GABRG1: variants seen among roughly 807,000 people sequenced by gnomAD.
The protein encoded by GABRG1 is gamma-aminobutyric acid receptor subunit gamma-1.
In GABRG1, 49 loss-of-function variants were observed where a neutral mutation model predicts 49.8. The ratio of observed to expected loss-of-function variants is 0.98; its 90% CI spans 0.78 to 1.25. GABRG1 has a LOEUF of 1.25. Among genes scored for constraint, GABRG1 ranks in the 50% most tolerant of loss-of-function variants. GABRG1 has a pLI of 0.00. For missense variants in GABRG1, 552 were observed against 552.3 expected (o/e 1.00, Z 0.01); for synonymous variants, 232 against 185.1 (o/e 1.25, Z -2.06).
chr4:46,090,722 T>G (rs910640742), intron 2 of GABRG1, among the ~76,000 whole-genome samples: 2 of 151,900 alleles, frequency 1.3e-5, no homozygotes, highest in Non-Finnish European at 2.9e-5. Flanking sequence ...TAGCCAGAAT[T>G]TGATGTAACA....
At position 46,058,509 on chromosome 4, in the gene GABRG1, T is replaced by C. The variant is rs776187307; in HGVS notation, c.739A>G (p.Thr247Ala). 8 of 1,613,268 alleles carry C rather than the reference T, an allele frequency of 5.0e-6. No homozygotes were observed. Among genetic ancestry groups the C allele is most frequent in the East Asian group, 2.2e-5 (1 of 44,798 alleles). The change falls in exon 6 of 9, where the codon ACT (threonine) becomes GCT (alanine). Residue 247 changes from threonine (T) to alanine (A), a missense_variant. Thr to Ala is a moderately conservative substitution (Grantham distance 58). Coordinates refer to ENST00000295452, the MANE Select transcript of GABRG1 (RefSeq NM_173536.4). Reference sequence around the variant, plus strand: ...CCAGAGATCGTGTGAGTGATTTCAGTTGAGTTCCGTAACCCTACAAATGCA... The same window carrying C: ...CCAGAGATCGTGTGAGTGATTTCAGCTGAGTTCCGTAACCCTACAAATGCA... ...QFAFVGLRNS[T>A]EITHTISGDY...
intron 8 of GABRG1, among the ~76,000 whole-genome samples, chr4:46,044,197 G>A (rs944056293): frequency 5.3e-5 from 8 of 152,232 alleles, no homozygotes; most frequent in Middle Eastern, 3.4e-3. Flanking sequence ...AGAAGGCTGG[G>A]CACGTTGGCT....
chr4:46,059,424 T>C (rs1391226274), intron 5 of GABRG1, among the ~76,000 whole-genome samples: 3 of 152,006 alleles, frequency 2.0e-5, no homozygotes, highest in East Asian at 3.9e-4. Flanking sequence ...TCTCACTCTG[T>C]TGTCCAGGCT....
chr4:46,096,030 T>G (rs1720153703), intron 2 of GABRG1, among the ~76,000 whole-genome samples: 1 of 151,966 alleles, frequency 6.6e-6, no homozygotes, highest in Non-Finnish European at 1.5e-5. Flanking sequence ...TTCTCATCAT[T>G]TAGCTCCCGC....
At position 46,058,466 on chromosome 4, in the gene GABRG1, A is replaced by G. The variant is rs753658054; in HGVS notation, c.763+19T>C. Reference sequence around the variant, plus strand: ...CATTTAATGCTAGCATCATTTCACTATTTGAGTATTCTTTTTACCAGAGAT... The same window carrying G: ...CATTTAATGCTAGCATCATTTCACTGTTTGAGTATTCTTTTTACCAGAGAT... On this transcript the variant is annotated intron_variant, in intron 6 of 8. Coordinates refer to ENST00000295452, the MANE Select transcript of GABRG1 (RefSeq NM_173536.4). The G allele has an allele frequency of 1.9e-6, 3 of 1,610,242 alleles. No homozygotes were observed. Among genetic ancestry groups the G allele is most frequent in the South Asian group, 1.1e-5 (1 of 90,378 alleles).
chr4:46,088,791 ATGTG>A (rs1366124447), intron 2 of GABRG1, among the ~76,000 whole-genome samples: 1 of 121,078 alleles, frequency 8.3e-6, no homozygotes. Flanking sequence ...TTTAAATGGC[ATGTG>A]TGTGTGTGTT....
At chr4:46,046,778 C>G (rs1274363136) in intron 8 of GABRG1, among the ~76,000 whole-genome samples, 1 of 152,058 alleles carries the variant, frequency 6.6e-6, no homozygotes, top group Non-Finnish European at 1.5e-5. Context: ...CTGCAATAGT[C>G]TCCAAATTTA....
At chr4:46,070,640 A>G (rs1247782780) in intron 3 of GABRG1, among the ~76,000 whole-genome samples, 1 of 152,004 alleles carries the variant, frequency 6.6e-6, no homozygotes, top group Non-Finnish European at 1.5e-5. Context: ...AGGTAGAGGG[A>G]TAGATAGATG....
At chr4:46,054,066 G>T (rs1718349581) in intron 7 of GABRG1, among the ~76,000 whole-genome samples, 1 of 38,642 alleles carries the variant, frequency 2.6e-5, no homozygotes, top group Non-Finnish European at 5.0e-5. Context: ...TTCTACATAT[G>T]GCTAGCCAGT....
chr4:46,088,746 C>G, intron 2 of GABRG1, among the ~76,000 whole-genome samples: 1 of 150,558 alleles, frequency 6.6e-6, no homozygotes, highest in African/African-American at 2.4e-5. Flanking sequence ...AATACACACA[C>G]ACACACACAC....
intron 1 of GABRG1, among the ~76,000 whole-genome samples, chr4:46,109,860 C>A (rs1489805396): frequency 1.3e-5 from 2 of 150,862 alleles, no homozygotes; most frequent in Non-Finnish European, 3.0e-5. Context: ...ATTTTTATTC[C>A]ACTGTGGTCC....
chr4:46,051,259 A>C (rs1718207226), intron 8 of GABRG1, among the ~76,000 whole-genome samples, 165 bp downstream of exon 8: 2 of 151,536 alleles, frequency 1.3e-5, no homozygotes, highest in South Asian at 2.1e-4. Context: ...ACAGAAATAC[A>C]CTTTTCTTGG....
chr4:46,076,360 TTC>T (rs1288002400), intron 3 of GABRG1, among the ~76,000 whole-genome samples: 34 of 98,634 alleles, frequency 3.4e-4, no homozygotes, highest in African/African-American at 4.7e-4. Flanking sequence ...TTAGGTCATG[TTC>T]ATATATATAT....
chr4:46,067,194 G>C (rs1299429053), intron 3 of GABRG1, among the ~76,000 whole-genome samples: 1 of 151,878 alleles, frequency 6.6e-6, no homozygotes, highest in East Asian at 1.9e-4. Flanking sequence ...CAAATCCTAG[G>C]TTCCAGGCAT....
At chr4:46,070,423 A>G (rs1169918675) in intron 3 of GABRG1, among the ~76,000 whole-genome samples, 1 of 152,034 alleles carries the variant, frequency 6.6e-6, no homozygotes, top group African/African-American at 2.4e-5. Context: ...GTAGGGTTTT[A>G]TAAACCCTAT....
intron 1 of GABRG1, among the ~76,000 whole-genome samples, chr4:46,111,929 T>C (rs778326353): frequency 6.6e-6 from 1 of 151,064 alleles, no homozygotes; most frequent in Non-Finnish European, 1.5e-5. Flanking sequence ...ATGTCAGCTT[T>C]AGGAAAGCAA....
chr4:46,049,196 C>A (rs1034482368), intron 8 of GABRG1, among the ~76,000 whole-genome samples: 1 of 151,828 alleles, frequency 6.6e-6, no homozygotes, highest in East Asian at 1.9e-4. Flanking sequence ...TGGCAAGATG[C>A]TACAACATCT....
intron 2 of GABRG1, among the ~76,000 whole-genome samples, chr4:46,086,399 G>C (rs559705123): frequency 4.6e-5 from 7 of 151,628 alleles, no homozygotes; most frequent in Non-Finnish European, 8.9e-5. Context: ...AACTACAATA[G>C]ATTTTAAAAA....
intron 8 of GABRG1, among the ~76,000 whole-genome samples, chr4:46,042,432 A>C (rs1015939612): frequency 1.3e-5 from 2 of 151,958 alleles, no homozygotes; most frequent in African/African-American, 4.8e-5. Flanking sequence ...TTTGAGGGTT[A>C]TCTCAAGATG....
Sources: allele counts gnomAD v4.1 joint callset (sites outside exome capture counted in the v4.1 genomes callset), GRCh38; gene constraint gnomAD v4.1.1; transcripts MANE v1.5; gene names NCBI Gene and HGNC (gene_info 2026-07-23, HGNC 2026-07-21).